The following LTBP3 variants were observed in gnomAD, a reference collection of about 807,000 sequenced individuals.
LTBP3 encodes the protein latent transforming growth factor beta binding protein 3.
Under a neutral mutation model 159.7 loss-of-function variants are expected in LTBP3, and 97 were observed. The observed-to-expected ratio is 0.61, with a 90% CI of 0.52 to 0.72. The LOEUF is 0.72. Among genes scored for constraint, LTBP3 ranks in the 30% least tolerant of loss-of-function variants. The pLI, the probability that LTBP3 is intolerant of heterozygous loss-of-function variation, is 0.00. For synonymous variants in LTBP3, 824 were observed against 777.1 expected, an observed-to-expected ratio of 1.06 and a Z score of -1.00; for missense variants, 1,584 against 1,864.3, an observed-to-expected ratio of 0.85 and a Z score of 2.77.
chr11:65,549,968 C>A (rs935517659), intron 11 of LTBP3, among the ~76,000 whole-genome samples: 1 of 152,080 alleles, frequency 6.6e-6, no homozygotes, highest in East Asian at 1.9e-4. Flanking sequence ...CCAAATATTT[C>A]TTGAGCACCT....
At chr11:65,551,755 C>T (rs1590782243) in intron 8 of LTBP3, 191 bp from the exon 9 acceptor site, 2 of 891,288 alleles carry the variant, frequency 2.2e-6, no homozygotes, top group South Asian at 1.4e-5. Flanking sequence ...GGTTGAATGG[C>T]CTTGGGTTAC....
chr11:65,542,052 C>T (rs1424699249), intron 18 of LTBP3: 2 of 354,612 alleles, frequency 5.6e-6, no homozygotes, highest in East Asian at 1.3e-4. Flanking sequence ...CACTCCCCAA[C>T]TCTGTGCTCA....
chr11:65,542,703 C>G, intron 18 of LTBP3: 1 of 312,336 alleles, frequency 3.2e-6, no homozygotes, highest in South Asian at 2.7e-5. Context: ...CTGCACTCAG[C>G]CTAAACTTTT....
chr11:65,547,376 C>T lies in LTBP3; in HGVS notation c.2107+63G>A. 1.3e-6 allele frequency: 2 copies of T among 1,591,042 alleles called. No individual in the cohort carries two copies. Among genetic ancestry groups the T allele is most frequent in the South Asian group, 2.2e-5 (2 of 90,412 alleles). On this transcript the variant is annotated intron_variant, in intron 14 of 27. Transcript: ENST00000301873. The surrounding 1 kb of genome is among the most constrained non-coding windows in gnomAD (Gnocchi z 4.6). ...AAAAAAAAAAATGCAGGCACCCCAG[C>T]CCCACCCCAGGTGGAGAGACAGCTA... is the stretch of plus-strand genomic sequence containing the variant.
At chr11:65,542,855 T>C in intron 18 of LTBP3, 3 of 518,686 alleles carry the variant, frequency 5.8e-6, no homozygotes, top group South Asian at 5.7e-5. Flanking sequence ...ATTGTTATTC[T>C]AGGTGAAAGA....
intron 11 of LTBP3, among the ~76,000 whole-genome samples, chr11:65,550,222 A>AAAT (rs1225184848): frequency 6.6e-6 from 1 of 152,046 alleles, no homozygotes; most frequent in Admixed American, 6.6e-5. Context: ...ATCCTGATTA[A>AAAT]CATGGTGAAA....
At position 65,541,642 on chromosome 11, in the gene LTBP3, C is replaced by T. The variant is rs1268111588; in HGVS notation, c.2683G>A (p.Asp895Asn). 3.1e-6 allele frequency: 5 copies of T among 1,614,032 alleles called. No individual in the cohort carries two copies. The highest frequency in any genetic ancestry group is 1.3e-5 in the African/African-American group (1 of 74,918). Residue 895 changes from aspartate (D) to asparagine (N), a missense_variant, in exon 19 of 28, where the codon GAT becomes AAT. By Grantham distance (23) the Asp-to-Asn change is conservative. Transcript: ENST00000301873. ...NLQGSYVCVC[D>N]EGFTPTQDQH... ...TCCTGGGTGGGAGTGAAGCCCTCATCGCAGACACACACATAGGAGCCCTGA... is the reference window on the plus strand; with the variant it reads ...TCCTGGGTGGGAGTGAAGCCCTCATTGCAGACACACACATAGGAGCCCTGA...
At chr11:65,551,686 C>T in intron 8 of LTBP3, 122 bp from the exon 9 acceptor site, 1 of 1,287,612 alleles carries the variant, frequency 7.8e-7, no homozygotes. Context: ...GTCTCCAGGT[C>T]AAGGGTCAGG....
At chr11:65,551,009 GC>G in intron 11 of LTBP3, 116 bp downstream of exon 11, 1 of 876,562 alleles carries the variant, frequency 1.1e-6, no homozygotes, top group South Asian at 1.4e-5. Flanking sequence ...CCAGTGCCCA[GC>G]CCTGGATACA....
rs375173614 is a variant in LTBP3 at position 65,539,423 on chromosome 11, C to A, written c.3665G>T (p.Arg1222Leu). The A allele has an allele frequency of 1.4e-5, 22 of 1,552,686 alleles. No individual in the cohort carries two copies. Among genetic ancestry groups the A allele is most frequent in the Non-Finnish European group, 1.8e-5 (21 of 1,147,938 alleles). ...DSSEEDSDECRCVSGRCVPRP... is the reference protein window; with the variant it reads ...DSSEEDSDECLCVSGRCVPRP... ...CGGCACGCAGCGGCCACTCACGCAG[C>A]GACACTCGTCTGAATCCTCCTCTGA... The change falls in exon 27 of 28, where the codon CGC becomes CTC. Residue 1222 changes from arginine (R) to leucine (L), a missense_variant. Physicochemically the swap from Arg to Leu is moderately radical, Grantham distance 102 (BLOSUM62 -2). This residue lies in a region of LTBP3 where 514 missense variants were observed against 530.3 expected (regional missense o/e 0.97). Transcript: ENST00000301873.
intron 1 of LTBP3, 118 bp downstream of exon 1, chr11:65,557,511 C>T (rs1856850104): frequency 7.0e-7 from 1 of 1,428,916 alleles, no homozygotes; most frequent in East Asian, 2.3e-5. Flanking sequence ...CCCAGGCCCT[C>T]GGATCTCTGC....
chr11:65,549,567 C>CTTTTTTTTTT (rs748132211), intron 11 of LTBP3, among the ~76,000 whole-genome samples: 1,263 of 64,800 alleles, frequency 0.019, 2 homozygotes, highest in Middle Eastern at 0.038. Context: ...CCCAGCTAAT[C>CTTTTTTTTTT]TTTTTTTTTT....
At chr11:65,540,707 C>A in intron 21 of LTBP3, 93 bp from the exon 22 acceptor site, 2 of 1,406,072 alleles carry the variant, frequency 1.4e-6, no homozygotes, top group Admixed American at 3.5e-5. Flanking sequence ...CATCCCCGGG[C>A]GGGGCCTACA....
chr11:65,546,972 C>T lies in LTBP3; in HGVS notation c.2108-52G>A. ...CCCATCTGGGGACAACGCGGGTGGC[C>T]CGGCTCCCAGCGTCCACAGCAGGGA... On this transcript the variant is annotated intron_variant, in intron 14 of 27. Transcript: ENST00000301873. This position sits in a 1 kb window ranked among gnomAD's most constrained non-coding sequence, Gnocchi z 4.0. The T allele has an allele frequency of 1.9e-6, 3 of 1,603,092 alleles. No homozygotes were observed. The South Asian group carries it at 3.3e-5, about 18-fold the overall frequency.
rs750578456 is a variant in LTBP3, at chr11:65,554,269, C to T, written c.443G>A (p.Gly148Asp). Residue 148 changes from glycine (G) to aspartate (D), a missense_variant, in exon 2 of 28, where the codon GGT (glycine) becomes GAT (aspartate). Physicochemically the swap from Gly to Asp is moderately conservative, Grantham distance 94 (BLOSUM62 -1). Around this residue, in one of 6 missense-constraint regions of LTBP3, gnomAD observed 194 missense variants for 198.7 expected, o/e 0.98. Transcript: ENST00000301873. The surrounding 1 kb of genome is among the most constrained non-coding windows in gnomAD (Gnocchi z 5.3). Reference protein sequence around the residue: ...RFCQVPAGGAGGGTGGSGPGL... With the variant: ...RFCQVPAGGADGGTGGSGPGL... The stretch of plus-strand genomic sequence containing the variant: ...GGGGCCTGAGCCGCCGGTACCCCCA[C>T]CGGCTCCTCCTGCGGGCACCTGGCA... 1.4e-4 allele frequency: 226 copies of T among 1,610,650 alleles called. No homozygotes were observed. The highest frequency in any genetic ancestry group is 1.7e-4 in the Non-Finnish European group (204 of 1,179,254).
rs1275684003 is a variant in LTBP3 at position 65,547,568 on chromosome 11, C to T, written c.1979-1G>A. 4 of 1,613,918 alleles carry T rather than the reference C, an allele frequency of 2.5e-6. No homozygotes were observed. The South Asian group carries it at 4.4e-5, about 18-fold the overall frequency. The stretch of plus-strand genomic sequence containing the variant: ...TGGGGCTTGGCGCATTCGTTCAGGT[C>T]TGTGCGGGAGGAAGGGGCCACGAAG... On this transcript the variant is annotated splice_acceptor_variant, in intron 13 of 27. Coordinates refer to ENST00000301873, the MANE Select transcript of LTBP3 (RefSeq NM_001130144.3). LOFTEE classifies it high-confidence loss of function. The surrounding 1 kb of genome is among the most constrained non-coding windows in gnomAD (Gnocchi z 4.6).
intron 26 of LTBP3, 28 bp from the exon 27 acceptor site, chr11:65,539,487 C>T: frequency 6.3e-7 from 1 of 1,587,576 alleles, no homozygotes; most frequent in Non-Finnish European, 8.6e-7. Context: ...ATATGGACTT[C>T]AACACTGAGC....
At chr11:65,542,133 T>C in intron 18 of LTBP3, 1 of 293,168 alleles carries the variant, frequency 3.4e-6, no homozygotes, top group Middle Eastern at 1.2e-3. Context: ...TTACTGCTCT[T>C]TGGTCCTGGA....
In LTBP3 at chr11:65,547,603, G is replaced by A; in HGVS notation, c.1979-36C>T. 3 of 1,611,810 alleles carry A rather than the reference G, an allele frequency of 1.9e-6. No individual in the cohort carries two copies. Among genetic ancestry groups the A allele is most frequent in the Non-Finnish European group, 2.5e-6 (3 of 1,178,808 alleles). Reference sequence around the variant, plus strand: ...GGAAGGGGCCACGAAGGGGGTGTAGGAGGCGGCGGGCAAGGGGAGGGATTA... The same window carrying A: ...GGAAGGGGCCACGAAGGGGGTGTAGAAGGCGGCGGGCAAGGGGAGGGATTA... On this transcript the variant is annotated intron_variant, in intron 13 of 27. Coordinates refer to ENST00000301873, the MANE Select transcript of LTBP3 (RefSeq NM_001130144.3). The surrounding 1 kb of genome is among the most constrained non-coding windows in gnomAD (Gnocchi z 4.6).
Sources: gnomAD v4.1 joint callset for allele counts (sites outside exome capture counted in the v4.1 genomes callset) on GRCh38, gnomAD v4.1.1 for gene constraint, gnomAD v4.1.1 regional missense constraint, Gnocchi (gnomAD v3.1) non-coding constraint, MANE v1.5 for transcripts, NCBI Gene and HGNC (gene_info 2026-07-23, HGNC 2026-07-21) for gene names.